Variants in RASGRF2 observed in about 807,000 individuals in gnomAD.
RASGRF2 encodes the protein Ras protein specific guanine nucleotide releasing factor 2, also known as ras-specific guanine nucleotide-releasing factor 2.
A neutral mutation model predicts 151.0 loss-of-function variants in RASGRF2; 76 were observed. That is an observed-to-expected ratio of 0.50 (90% CI 0.42 to 0.61). The LOEUF is 0.61. Among genes scored for constraint, RASGRF2 ranks in the 20% least tolerant of loss-of-function variants. RASGRF2 has a pLI of 0.00. For synonymous variants in RASGRF2, 504 were observed against 566.5 expected, an observed-to-expected ratio of 0.89 and a Z score of 1.57; for missense variants, 1,148 against 1,564.6, an observed-to-expected ratio of 0.73 and a Z score of 4.49.
intron 17 of RASGRF2, among the ~76,000 whole-genome samples, chr5:81,163,005 A>C (rs1754423766): frequency 6.6e-6 from 1 of 152,148 alleles, no homozygotes; most frequent in African/African-American, 2.4e-5. Flanking sequence ...GGGCACTGGG[A>C]AAGCAGGACA....
chr5:81,117,077 G>C (rs151334025), intron 15 of RASGRF2, among the ~76,000 whole-genome samples: 1 of 152,118 alleles, frequency 6.6e-6, no homozygotes, highest in Admixed American at 6.5e-5. Flanking sequence ...GTTCCACTTC[G>C]ATCACCAACT....
chr5:81,108,965 G>C (rs755751556), intron 12 of RASGRF2, 31 bp from the exon 13 acceptor site: 9 of 1,588,458 alleles, frequency 5.7e-6, no homozygotes, highest in Non-Finnish European at 7.7e-6. Context: ...GCTTTCATGT[G>C]GGTTGTAATT....
At chr5:81,119,405 G>A (rs1753244736) in intron 15 of RASGRF2, among the ~76,000 whole-genome samples, 1 of 152,218 alleles carries the variant, frequency 6.6e-6, no homozygotes, top group Non-Finnish European at 1.5e-5. Flanking sequence ...CTATTCCCAA[G>A]ATAAAGGCAT....
At chr5:81,208,004 C>T (rs950770288) in intron 21 of RASGRF2, among the ~76,000 whole-genome samples, 4 of 152,208 alleles carry the variant, frequency 2.6e-5, no homozygotes, top group African/African-American at 7.2e-5. Context: ...AAAAGCTAAT[C>T]CTGGGAAAAT....
intron 26 of RASGRF2, among the ~76,000 whole-genome samples, chr5:81,220,582 T>C (rs1755836225): frequency 6.6e-6 from 1 of 152,224 alleles, no homozygotes; most frequent in Admixed American, 6.5e-5. Flanking sequence ...CCTCCCGGGT[T>C]CATGCCATTC....
Position 81,225,680 on chromosome 5 carries a change from C to T in RASGRF2, c.3624C>T (p.Val1208=), listed in dbSNP as rs200088292. The change falls in exon 27 of 27, where the codon GTC becomes GTT. Residue 1208 remains valine, a splice_region_variant and synonymous_variant. Transcript: ENST00000265080. ...TGGGACTTCCCCTTTTTTTTCAGGTCGCACAGTACTTGCTTGACAAAGACC... is the reference window on the plus strand; with the variant it reads ...TGGGACTTCCCCTTTTTTTTCAGGTTGCACAGTACTTGCTTGACAAAGACC... ...TSYRIDHQPK[V]AQYLLDKDLI... 43 of 1,606,042 alleles carry T rather than the reference C, an allele frequency of 2.7e-5. No individual in the cohort carries two copies. The Admixed American group carries it at 3.1e-4, about 12-fold the overall frequency.
In RASGRF2 at chr5:81,223,021, C is replaced by T. The variant is rs138228545; in HGVS notation, c.3622-2657C>T. On this transcript the variant is annotated intron_variant, in intron 26 of 26. Coordinates refer to ENST00000265080, the MANE Select transcript of RASGRF2 (RefSeq NM_006909.3). ...TAAAAAACCTCAATCAAAATAGCAA[C>T]AAAATCTGTAATGACTAGGATTAAG... is the stretch of plus-strand genomic sequence containing the variant. Among the ~76,000 whole-genome samples, 1,255 of 152,234 alleles carry T rather than the reference C, an allele frequency of 8.2e-3. 26 individuals are homozygous for T. The highest frequency in any genetic ancestry group is 0.029 in the African/African-American group (1,197 of 41,548).
intron 1 of RASGRF2, among the ~76,000 whole-genome samples, chr5:81,037,576 A>G (rs1426010281): frequency 1.3e-5 from 2 of 152,220 alleles, no homozygotes; most frequent in African/African-American, 4.8e-5. Context: ...ATGTTAAGAT[A>G]CAAATATAAA....
rs190559425 is a variant in RASGRF2, at chr5:81,003,348, G to A, written c.289-39529G>A. Among the ~76,000 whole-genome samples, 655 of 151,224 alleles carry A rather than the reference G, an allele frequency of 4.3e-3. 14 individuals carry two copies. The highest frequency in any genetic ancestry group is 2.8e-3 in the Non-Finnish European group (191 of 67,906). On this transcript the variant is annotated intron_variant, in intron 1 of 26. Transcript: ENST00000265080. ...CGCCATTGTCCTGCCTCAGCCTCCT[G>A]AGTAGCTGGGACTACAGGTGCCCAC...
intron 26 of RASGRF2, among the ~76,000 whole-genome samples, chr5:81,222,830 A>G (rs1466443306): frequency 1.3e-5 from 2 of 152,176 alleles, no homozygotes; most frequent in Non-Finnish European, 2.9e-5. Flanking sequence ...AAAAGGTATA[A>G]AAATTGGAAA....
intron 23 of RASGRF2, 57 bp from the exon 24 acceptor site, chr5:81,215,818 CA>C: frequency 3.5e-6 from 5 of 1,442,170 alleles, no homozygotes; most frequent in Non-Finnish European, 4.5e-6. Flanking sequence ...TTTGGCAATT[CA>C]CTGTCTTTTT....
chr5:81,162,022 C>T (rs73128886), intron 17 of RASGRF2, among the ~76,000 whole-genome samples: 8,193 of 151,794 alleles, frequency 0.054, 374 homozygotes, highest in South Asian at 0.14. Flanking sequence ...GCTTAAAACG[C>T]GTAGCCTAAC....
chr5:81,005,994 A>G (rs1443376899), intron 1 of RASGRF2, among the ~76,000 whole-genome samples: 1 of 152,214 alleles, frequency 6.6e-6, no homozygotes. Context: ...GTCGCTTCCA[A>G]GTTCAAATGT....
chr5:81,128,544 A>C (rs566190099), intron 17 of RASGRF2, among the ~76,000 whole-genome samples: 1 of 152,320 alleles, frequency 6.6e-6, no homozygotes, highest in East Asian at 1.9e-4. Flanking sequence ...TTCACCCTTT[A>C]TAACTCAATT....
chr5:81,042,999 TC>T lies in RASGRF2; in HGVS notation c.395+18del. ...ACCAAGCCAGGTATAGGCTCAGTCTTCCTGTGTAGTACTTGATTGTCTGGGT... is the reference window on the plus strand; with the variant it reads ...ACCAAGCCAGGTATAGGCTCAGTCTTCTGTGTAGTACTTGATTGTCTGGGT... On this transcript the variant is annotated intron_variant, in intron 2 of 26. Coordinates refer to ENST00000265080, the MANE Select transcript of RASGRF2 (RefSeq NM_006909.3). The T allele has an allele frequency of 3.2e-6, 5 of 1,572,750 alleles. No individual in the cohort carries two copies. The highest frequency in any genetic ancestry group is 4.4e-6 in the Non-Finnish European group (5 of 1,147,428).
intron 1 of RASGRF2, among the ~76,000 whole-genome samples, chr5:81,026,861 C>A (rs949117835): frequency 6.6e-6 from 1 of 152,066 alleles, no homozygotes; most frequent in African/African-American, 2.4e-5. Context: ...GCCCAATAAA[C>A]AATTATTTAA....
intron 1 of RASGRF2, among the ~76,000 whole-genome samples, chr5:80,990,216 ATG>A (rs1207868689): frequency 9.4e-4 from 122 of 129,668 alleles, no homozygotes; most frequent in Middle Eastern, 8.7e-3. Context: ...TGACTGCCAG[ATG>A]TTTTTTTTTT....
intron 17 of RASGRF2, among the ~76,000 whole-genome samples, chr5:81,163,498 G>A (rs1580371385): frequency 6.6e-6 from 1 of 152,104 alleles, no homozygotes; most frequent in East Asian, 1.9e-4. Context: ...GGTACATAAG[G>A]TGCTCTCACA....
At chr5:81,222,493 T>A (rs1350396068) in intron 26 of RASGRF2, among the ~76,000 whole-genome samples, 1 of 152,218 alleles carries the variant, frequency 6.6e-6, no homozygotes, top group Admixed American at 6.5e-5. Context: ...AGGAAGACTT[T>A]CCTAACTTTC....
Sources: allele counts gnomAD v4.1 joint callset (sites outside exome capture counted in the v4.1 genomes callset), GRCh38; gene constraint gnomAD v4.1.1; transcripts MANE v1.5; gene names NCBI Gene and HGNC (gene_info 2026-07-23, HGNC 2026-07-21).